The following FGFR4 variants were observed in gnomAD, a reference collection of about 807,000 sequenced individuals.
FGFR4 encodes the protein fibroblast growth factor receptor 4.
Under a neutral mutation model 89.9 loss-of-function variants are expected in FGFR4, and 63 were observed. The observed-to-expected ratio is 0.70, with a 90% CI of 0.57 to 0.86. FGFR4 has a LOEUF of 0.86. Among genes scored for constraint, FGFR4 ranks in the 40% least tolerant of loss-of-function variants. The probability of loss-of-function intolerance (pLI) is 0.00; values close to 1 mark genes in which losing one functional copy is unlikely to be tolerated. For missense variants in FGFR4, 928 were observed against 1,106.7 expected, an observed-to-expected ratio of 0.84 and a Z score of 2.29; for synonymous variants, 486 against 479.4, an observed-to-expected ratio of 1.01 and a Z score of -0.18.
At position 177,093,836 on chromosome 5, in the gene FGFR4, G is replaced by A; in HGVS notation, c.1519+61G>A. ...ACGCCAGCACTTTAGGAGGCTGAGG[G>A]TGGGAGGATCGCTTGAATCCAGGAA... On this transcript the variant is annotated intron_variant, in intron 11 of 17. Transcript: ENST00000292408. The surrounding 1 kb of genome is among the most constrained non-coding windows in gnomAD (Gnocchi z 5.8). The A allele has an allele frequency of 6.4e-7, 1 of 1,550,418 alleles. No homozygotes were observed. Among genetic ancestry groups the A allele is most frequent in the South Asian group, 1.1e-5 (1 of 87,000 alleles).
In FGFR4 at chr5:177,097,819, C is replaced by A; in HGVS notation, c.*143C>A. On this transcript the variant is annotated 3_prime_UTR_variant, in exon 18 of 18. Coordinates refer to ENST00000292408, the MANE Select transcript of FGFR4 (RefSeq NM_213647.3). ...GCCGTGTCCAAGGGCCGTGCCCTTG[C>A]CCTTGGAGCTGCCGTGCCTGTGTCC... 1 of 1,024,164 alleles carries A rather than the reference C, an allele frequency of 9.8e-7. No individual in the cohort carries two copies. Among genetic ancestry groups the A allele is most frequent in the Non-Finnish European group, 1.4e-6 (1 of 729,020 alleles). The allele number at this position is 1,024,164 out of a possible 1,614,324, so 63.4% of individuals were successfully genotyped here. A position where few individuals can be genotyped will look rare whatever the true frequency, so the allele number is the denominator to read the frequency against.
chr5:177,093,309 C>T lies in FGFR4; in HGVS notation c.1229C>T (p.Ser410Phe), dbSNP rs1441997844. ...CCGCCCGCCACTGTGCAGAAGCTCT[C>T]CCGCTTCCCTCTGGCCCGACAGGTA... The part of the protein sequence containing the change: ...PRPPATVQKL[S>F]RFPLARQFSL... The change falls in exon 9 of 18, where the codon TCC becomes TTC. Residue 410 changes from serine to phenylalanine, a missense_variant. Ser to Phe is a radical substitution (Grantham distance 155). Transcript: ENST00000292408. The surrounding 1 kb of genome is among the most constrained non-coding windows in gnomAD (Gnocchi z 5.8). 25 of 1,547,024 alleles carry T rather than the reference C, an allele frequency of 1.6e-5. No individual in the cohort carries two copies. The highest frequency in any genetic ancestry group is 2.0e-5 in the Non-Finnish European group (23 of 1,130,752).
chr5:177,091,576 A>G, intron 5 of FGFR4, 109 bp from the exon 6 acceptor site: 2 of 1,466,800 alleles, frequency 1.4e-6, no homozygotes, highest in South Asian at 1.3e-5. Context: ...CTCAGGGCCT[A>G]GAGAGCTTGA....
chr5:177,089,505 C>A (rs1784273430), intron 1 of FGFR4, 45 bp from the exon 2 acceptor site: 1 of 1,484,542 alleles, frequency 6.7e-7, no homozygotes, highest in Non-Finnish European at 9.0e-7. Flanking sequence ...AAAGCCCCCA[C>A]AAAGGTGCAC....
At position 177,093,620 on chromosome 5, in the gene FGFR4, C is replaced by A; in HGVS notation, c.1398-34C>A. ...CAGCCCGCCCTCCGCAGGAGTGACT[C>A]GGAGGTCTGAGGCTGGACTTTCTCC... is the stretch of plus-strand genomic sequence containing the variant. On this transcript the variant is annotated intron_variant, in intron 10 of 17. Coordinates refer to ENST00000292408, the MANE Select transcript of FGFR4 (RefSeq NM_213647.3). This position sits in a 1 kb window ranked among gnomAD's most constrained non-coding sequence, Gnocchi z 5.8. 1 of 1,613,942 alleles carries A rather than the reference C, an allele frequency of 6.2e-7. No individual in the cohort carries two copies. Among genetic ancestry groups the A allele is most frequent in the Non-Finnish European group, 8.5e-7 (1 of 1,179,904 alleles).
intron 16 of FGFR4, among the ~76,000 whole-genome samples, 164 bp downstream of exon 16, chr5:177,096,905 T>TTCC (rs879157960): frequency 0.014 from 216 of 15,476 alleles, 20 homozygotes; most frequent in African/African-American, 0.044. Flanking sequence ...CCTCCTCCTC[T>TTCC]TCCTCCTCCT....
At position 177,092,410 on chromosome 5, in the gene FGFR4, G is replaced by C. The variant is rs1416092582; in HGVS notation, c.817G>C (p.Val273Leu). ...CAGCGACGTGGAGCTGCTGTGCAAG[G>C]TGTACAGCGATGCCCAGCCCCACAT... The part of the protein sequence containing the change: ...VGSDVELLCK[V>L]YSDAQPHIQW... The change falls in exon 7 of 18, where the codon GTG (valine) becomes CTG (leucine). Residue 273 changes from valine (V) to leucine (L), a missense_variant. By Grantham distance (32) the Val-to-Leu change is conservative. This residue lies in a region of FGFR4 where 741 missense variants were observed against 836.9 expected (regional missense o/e 0.89). Transcript: ENST00000292408. The C allele has an allele frequency of 6.2e-7, 1 of 1,609,792 alleles. No homozygotes were observed. Among genetic ancestry groups the C allele is most frequent in the African/African-American group, 1.3e-5 (1 of 75,008 alleles).
At position 177,092,306 on chromosome 5, in the gene FGFR4, T is replaced by TC; in HGVS notation, c.728-14dup. The stretch of plus-strand genomic sequence containing the variant: ...GTGCCGGTGGTCAGGGTTGACTGTC[T>TC]CGCCCGGTCCCCAGAGCGGTCCCCG... On this transcript the variant is annotated splice_polypyrimidine_tract_variant and intron_variant, in intron 6 of 17. Transcript: ENST00000292408. 1 of 1,544,078 alleles carries TC rather than the reference T, an allele frequency of 6.5e-7. No individual in the cohort carries two copies. Among genetic ancestry groups the TC allele is most frequent in the East Asian group, 2.3e-5 (1 of 43,878 alleles).
Position 177,095,803 on chromosome 5 carries a change from C to A in FGFR4, c.1821+80C>A. On this transcript the variant is annotated intron_variant, in intron 13 of 17. Transcript: ENST00000292408. This position sits in a 1 kb window ranked among gnomAD's most constrained non-coding sequence, Gnocchi z 5.7. ...CCTGTGGCATTCAATGTCCCGACTT[C>A]TCCCTCTCTGCTCTTTTTCATGACC... The A allele has an allele frequency of 7.2e-7, 1 of 1,396,824 alleles. No individual in the cohort carries two copies. Among genetic ancestry groups the A allele is most frequent in the Non-Finnish European group, 9.6e-7 (1 of 1,046,090 alleles). The allele number at this position is 1,396,824 out of a possible 1,614,324, so 86.5% of individuals were successfully genotyped here. A position where few individuals can be genotyped will look rare whatever the true frequency, so the allele number is the denominator to read the frequency against.
chr5:177,089,479 T>A (rs1784272732), intron 1 of FGFR4, 71 bp from the exon 2 acceptor site: 9 of 1,452,804 alleles, frequency 6.2e-6, no homozygotes, highest in Non-Finnish European at 8.2e-6. Flanking sequence ...AGTTTCCTTA[T>A]CTGCAAAATA....
intron 1 of FGFR4, chr5:177,088,131 C>T (rs1035255028): frequency 6.3e-5 from 10 of 157,616 alleles, no homozygotes; most frequent in African/African-American, 2.4e-4. Flanking sequence ...CGGCTCACTG[C>T]AAGCTCCGCC....
chr5:177,095,346 G>T lies in FGFR4; in HGVS notation c.1536G>T (p.Lys512Asn), dbSNP rs760387699. ...VKMLKDNASD[K>N]DLADLVSEME... ...CCCTTACAGACAACGCCTCTGACAAGGACCTGGCCGACCTGGTCTCGGAGA... is the reference window on the plus strand; with the variant it reads ...CCCTTACAGACAACGCCTCTGACAATGACCTGGCCGACCTGGTCTCGGAGA... The change falls in exon 12 of 18, where the codon AAG (lysine) becomes AAT (asparagine). Residue 512 changes from lysine (K) to asparagine (N), a missense_variant. By Grantham distance (94) the Lys-to-Asn change is moderately conservative (BLOSUM62 0). Transcript: ENST00000292408. The surrounding 1 kb of genome is among the most constrained non-coding windows in gnomAD (Gnocchi z 5.7). The T allele has an allele frequency of 6.2e-7, 1 of 1,614,166 alleles. No individual in the cohort carries two copies. The highest frequency in any genetic ancestry group is 1.7e-5 in the Admixed American group (1 of 60,024).
At position 177,097,675 on chromosome 5, in the gene FGFR4, G is replaced by A; in HGVS notation, c.2408G>A (p.Ter803=). 1 of 1,613,814 alleles carries A rather than the reference G, an allele frequency of 6.2e-7. No homozygotes were observed. The highest frequency in any genetic ancestry group is 8.5e-7 in the Non-Finnish European group (1 of 1,179,858). ...SFPFGSGVQT[*] The stretch of plus-strand genomic sequence containing the variant: ...CCCTTCGGGTCTGGGGTGCAGACAT[G>A]AGCAAGGCTCAAGGCTGTGCAGGCA... Residue 803 remains the stop codon, a stop_retained_variant, in exon 18 of 18, where the codon TGA becomes TAA. Coordinates refer to ENST00000292408, the MANE Select transcript of FGFR4 (RefSeq NM_213647.3).
chr5:177,097,441 C>A lies in FGFR4; in HGVS notation c.2259+44C>A, dbSNP rs760571636. 8 of 1,603,678 alleles carry A rather than the reference C, an allele frequency of 5.0e-6. No homozygotes were observed. The South Asian group carries it at 7.8e-5, about 16-fold the overall frequency. On this transcript the variant is annotated intron_variant, in intron 17 of 17. Coordinates refer to ENST00000292408, the MANE Select transcript of FGFR4 (RefSeq NM_213647.3). The stretch of plus-strand genomic sequence containing the variant: ...ACCACCTCCCTCTGCCTGCTCCCCT[C>A]CAGGCCTCATCTGGCCTGACCGCGT...
rs1227175241 is a variant in FGFR4 at position 177,096,604 on chromosome 5, G to A, written c.2016G>A (p.Val672=). Residue 672 remains valine, a splice_region_variant and synonymous_variant, in exon 16 of 18, where the codon GTG becomes GTA. Coordinates refer to ENST00000292408, the MANE Select transcript of FGFR4 (RefSeq NM_213647.3). ...CACTGAGCCCTGGCCCTACCTCCAGGTGGTCTTTTGGGATCCTGCTATGGG... is the reference window on the plus strand; with the variant it reads ...CACTGAGCCCTGGCCCTACCTCCAGATGGTCTTTTGGGATCCTGCTATGGG... The part of the protein sequence containing the change: ...FDRVYTHQSD[V]WSFGILLWEI... 2.5e-6 allele frequency: 4 copies of A among 1,613,602 alleles called. No individual in the cohort carries two copies. The highest frequency in any genetic ancestry group is 3.4e-6 in the Non-Finnish European group (4 of 1,179,778).
chr5:177,090,040 T>C (rs1784294778), intron 2 of FGFR4: 1 of 662,476 alleles, frequency 1.5e-6, no homozygotes, highest in Admixed American at 2.1e-5. Context: ...ATAAGCATTA[T>C]GAGGGTGATA....
At position 177,090,549 on chromosome 5, in the gene FGFR4, G is replaced by T. The variant is rs770732286; in HGVS notation, c.251G>T (p.Gly84Val). 4 of 1,530,938 alleles carry T rather than the reference G, an allele frequency of 2.6e-6. No individual in the cohort carries two copies. In the South Asian group the frequency reaches 5.2e-5, roughly 20 times the overall value. 94.8% of individuals were successfully genotyped at this position (1,530,938 alleles called of 1,614,324 possible). Residue 84 changes from glycine (G) to valine (V), a missense_variant, in exon 3 of 18, where the codon GGC becomes GTC. Gly to Val is a moderately radical substitution (Grantham distance 109). This residue lies in a region of FGFR4 where 741 missense variants were observed against 836.9 expected (regional missense o/e 0.89). Coordinates refer to ENST00000292408, the MANE Select transcript of FGFR4 (RefSeq NM_213647.3). ...GCTGGCCGTGTACGGGGCTGGAGGG[G>T]CCGCCTAGAGATTGCCAGCTTCCTA... ...APAGRVRGWR[G>V]RLEIASFLPE...
At chr5:177,089,859 A>C (rs777645248) in intron 2 of FGFR4, 166 bp downstream of exon 2, 4 of 890,974 alleles carry the variant, frequency 4.5e-6, no homozygotes, top group Non-Finnish European at 7.2e-6. Flanking sequence ...GGCTTCCAGC[A>C]AGCATTCATC....
Position 177,092,690 on chromosome 5 carries a change from G to A in FGFR4, c.963G>A (p.Arg321=), listed in dbSNP as rs775006468. 5.6e-6 allele frequency: 9 copies of A among 1,613,946 alleles called. No individual in the cohort carries two copies. The Admixed American group carries it at 8.3e-5, about 15-fold the overall frequency. The part of the protein sequence containing the change: ...NSSEVEVLYL[R]NVSAEDAGEY... The stretch of plus-strand genomic sequence containing the variant: ...CAGAGGTGGAGGTCCTGTACCTGCG[G>A]AACGTGTCAGCCGAGGACGCAGGCG... The change falls in exon 8 of 18, where the codon CGG becomes CGA. Residue 321 remains arginine, a synonymous_variant. Coordinates refer to ENST00000292408, the MANE Select transcript of FGFR4 (RefSeq NM_213647.3).
Sources: allele counts gnomAD v4.1 joint callset (sites outside exome capture counted in the v4.1 genomes callset), GRCh38; gene constraint gnomAD v4.1.1; regional missense constraint gnomAD v4.1.1; non-coding constraint Gnocchi (gnomAD v3.1); transcripts MANE v1.5; gene names NCBI Gene and HGNC (gene_info 2026-07-23, HGNC 2026-07-21).